The following ZNF592 variants were observed in gnomAD, a reference collection of about 807,000 sequenced individuals.
ZNF592 encodes zinc finger protein 592, also known as spinocerebellar ataxia, autosomal recessive 5.
ZNF592 carries 11 observed loss-of-function variants against 80.3 expected under a neutral mutation model. The ratio of observed to expected loss-of-function variants is 0.14; its 90% confidence interval spans 0.09 to 0.23. The LOEUF is 0.23. ZNF592 is among the 10% of genes least tolerant of loss of function. The probability of loss-of-function intolerance (pLI) is 1.00; values close to 1 mark genes in which losing one functional copy is unlikely to be tolerated. For synonymous variants in ZNF592, 646 were observed against 640.3 expected, an observed-to-expected ratio of 1.01 and a Z score of -0.13; for missense variants, 1,420 against 1,633.9, an observed-to-expected ratio of 0.87 and a Z score of 2.26.
chr15:84,804,178 T>G lies in ZNF592; in HGVS notation c.*1785T>G, dbSNP rs1963182281. 6.6e-6 allele frequency: 1 copy of G among 152,254 alleles called. No individual in the cohort carries two copies. Among genetic ancestry groups the G allele is most frequent in the Non-Finnish European group, 1.5e-5 (1 of 68,066 alleles). The allele number at this position is 152,254 out of a possible 1,614,324, so 9.4% of individuals were successfully genotyped here. On this transcript the variant is annotated 3_prime_UTR_variant, in exon 11 of 11. Transcript: ENST00000560079. ...GCTGCCACTTCCCTGCCTCCCCAGC[T>G]GGCAGTGGGGCAACCCAGGCCTGTT...
intron 4 of ZNF592, among the ~76,000 whole-genome samples, chr15:84,788,806 A>G (rs1446251880): frequency 6.6e-6 from 1 of 152,206 alleles, no homozygotes; most frequent in Non-Finnish European, 1.5e-5. Context: ...GAGTTTGACT[A>G]TTCTAGGTAT....
chr15:84,784,518 G>T lies in ZNF592; in HGVS notation c.1843G>T (p.Val615Leu), dbSNP rs769839682. ...TGGCCGGCGGAGCGTCCACATTGAG[G>T]TACTGTGCACACTGTGCTCCAAGAC... ...HYGRRSVHIE[V>L]LCTLCSKTLL... Residue 615 changes from valine (V) to leucine (L), a missense_variant, in exon 4 of 11, where the codon GTA (valine) becomes TTA (leucine). Coordinates refer to ENST00000560079, the MANE Select transcript of ZNF592 (RefSeq NM_014630.3). This position sits in a 1 kb window ranked among gnomAD's most constrained non-coding sequence, Gnocchi z 5.8. 1.2e-6 allele frequency: 2 copies of T among 1,614,168 alleles called. No homozygotes were observed. Among genetic ancestry groups the T allele is most frequent in the East Asian group, 2.2e-5 (1 of 44,882 alleles).
chr15:84,784,924 C>G lies in ZNF592; in HGVS notation c.2220+29C>G, dbSNP rs183120559. 6.2e-7 allele frequency: 1 copy of G among 1,613,492 alleles called. No individual in the cohort carries two copies. Among genetic ancestry groups the G allele is most frequent in the Non-Finnish European group, 8.5e-7 (1 of 1,179,744 alleles). ...AGCAGACCCTCACTGTTACGGGTAT[C>G]GGGCCCCTGGCTCACACAGGTTCCA... On this transcript the variant is annotated intron_variant, in intron 4 of 10. Transcript: ENST00000560079. The surrounding 1 kb of genome is among the most constrained non-coding windows in gnomAD (Gnocchi z 5.8).
chr15:84,749,883 G>C (rs1402192765), intron 1 of ZNF592, among the ~76,000 whole-genome samples: 1 of 152,228 alleles, frequency 6.6e-6, no homozygotes, highest in East Asian at 1.9e-4. Flanking sequence ...TTGTGGCTTT[G>C]ATTCATTAAA....
Position 84,798,298 on chromosome 15 carries a change from A to G in ZNF592, c.2577-17A>G. On this transcript the variant is annotated splice_polypyrimidine_tract_variant and intron_variant, in intron 6 of 10. Coordinates refer to ENST00000560079, the MANE Select transcript of ZNF592 (RefSeq NM_014630.3). This position sits in a 1 kb window ranked among gnomAD's most constrained non-coding sequence, Gnocchi z 4.5. ...TGGTGCCTTGGCCACCTCACCCCCTAGGGCTTGTCTCATCAGGCTCATTTA... is the reference window on the plus strand; with the variant it reads ...TGGTGCCTTGGCCACCTCACCCCCTGGGGCTTGTCTCATCAGGCTCATTTA... 6.2e-7 allele frequency: 1 copy of G among 1,614,054 alleles called. No homozygotes were observed.
intron 1 of ZNF592, among the ~76,000 whole-genome samples, chr15:84,749,007 A>T (rs1333956154): frequency 2.6e-5 from 4 of 151,984 alleles, no homozygotes; most frequent in African/African-American, 7.2e-5. Context: ...GGCGGCCCCC[A>T]GCCCGGGCAC....
Position 84,801,906 on chromosome 15 carries a change from C to T in ZNF592, c.3317C>T (p.Pro1106Leu). The T allele has an allele frequency of 6.2e-7, 1 of 1,613,916 alleles. No homozygotes were observed. Among genetic ancestry groups the T allele is most frequent in the East Asian group, 2.2e-5 (1 of 44,868 alleles). Residue 1106 changes from proline (P) to leucine (L), a missense_variant, in exon 11 of 11, where the codon CCA becomes CTA. Coordinates refer to ENST00000560079, the MANE Select transcript of ZNF592 (RefSeq NM_014630.3). Reference sequence around the variant, plus strand: ...CCAGTCAGTGGAGTGGGGGACGCTCCAGGCACCAGCAATGGCGCAACTGTC... The same window carrying T: ...CCAGTCAGTGGAGTGGGGGACGCTCTAGGCACCAGCAATGGCGCAACTGTC... Reference protein sequence around the residue: ...KRPVSGVGDAPGTSNGATVSS... With the variant: ...KRPVSGVGDALGTSNGATVSS...
rs547215855 is a variant in ZNF592 at position 84,755,194 on chromosome 15, A to G, written c.-259+6530A>G. 4.7e-5 allele frequency among the ~76,000 whole-genome samples: 7 copies of G among 149,872 alleles called. No individual in the cohort carries two copies. The South Asian group carries it at 1.5e-3, about 32-fold the overall frequency. On this transcript the variant is annotated intron_variant, in intron 1 of 10. Coordinates refer to ENST00000560079, the MANE Select transcript of ZNF592 (RefSeq NM_014630.3). ...TTGGCCAAGCTGGTCTCAAACTGTTAACTTCAAGTGATCCTCCTGCCTCTG... is the reference window on the plus strand; with the variant it reads ...TTGGCCAAGCTGGTCTCAAACTGTTGACTTCAAGTGATCCTCCTGCCTCTG...
At chr15:84,757,344 T>A (rs1899204823) in intron 1 of ZNF592, among the ~76,000 whole-genome samples, 1 of 149,496 alleles carries the variant, frequency 6.7e-6, no homozygotes, top group Non-Finnish European at 1.5e-5. Context: ...CTTTCCTTTT[T>A]TTTTTTTTTT....
chr15:84,788,412 C>G (rs893807445), intron 4 of ZNF592, among the ~76,000 whole-genome samples: 1 of 151,888 alleles, frequency 6.6e-6, no homozygotes, highest in Non-Finnish European at 1.5e-5. Flanking sequence ...TTTTTGCTTC[C>G]GTGAGGGCTA....
intron 5 of ZNF592, among the ~76,000 whole-genome samples, chr15:84,794,989 A>G (rs1004786964): frequency 6.6e-6 from 1 of 151,980 alleles, no homozygotes; most frequent in Middle Eastern, 3.4e-3. Context: ...ATTGAACTCT[A>G]CTACAGAGTT....
At chr15:84,766,048 C>G (rs1362464781) in intron 2 of ZNF592, among the ~76,000 whole-genome samples, 2 of 149,262 alleles carry the variant, frequency 1.3e-5, no homozygotes, top group Non-Finnish European at 1.5e-5. Context: ...GGGTCTCACT[C>G]TGTCACCCAA....
At chr15:84,748,918 G>T (rs1310660682) in intron 1 of ZNF592, among the ~76,000 whole-genome samples, 4 of 150,670 alleles carry the variant, frequency 2.7e-5, no homozygotes, top group African/African-American at 9.7e-5. Context: ...CCGCCGCTGC[G>T]ACCGCCGCTC....
chr15:84,797,807 C>A, intron 5 of ZNF592, 62 bp from the exon 6 acceptor site: 1 of 1,588,274 alleles, frequency 6.3e-7, no homozygotes, highest in Non-Finnish European at 8.6e-7. Context: ...CTTGCAGCAC[C>A]ACCTCTGGGT....
chr15:84,751,540 G>A (rs1287303989), intron 1 of ZNF592, among the ~76,000 whole-genome samples: 1 of 152,002 alleles, frequency 6.6e-6, no homozygotes, highest in Non-Finnish European at 1.5e-5. Context: ...CATGTAAACA[G>A]TTGAGCACTG....
Position 84,782,927 on chromosome 15 carries a change from C to T in ZNF592, c.252C>T (p.Asp84=). Reference sequence around the variant, plus strand: ...AGGAGTCATTTGAAGCGGAGAAAGACCACATTACTCCCAGTCTCCTACACA... The same window carrying T: ...AGGAGTCATTTGAAGCGGAGAAAGATCACATTACTCCCAGTCTCCTACACA... The part of the protein sequence containing the change: ...SRQESFEAEK[D]HITPSLLHNG... Residue 84 remains aspartate, a synonymous_variant, in exon 4 of 11, where the codon GAC becomes GAT. Coordinates refer to ENST00000560079, the MANE Select transcript of ZNF592 (RefSeq NM_014630.3). The T allele has an allele frequency of 1.9e-6, 3 of 1,614,192 alleles. No homozygotes were observed. The highest frequency in any genetic ancestry group is 2.5e-6 in the Non-Finnish European group (3 of 1,180,040).
rs1962485507 is a variant in ZNF592 at position 84,783,480 on chromosome 15, C to G, written c.805C>G (p.Pro269Ala). The G allele has an allele frequency of 6.2e-7, 1 of 1,614,166 alleles. No homozygotes were observed. Among genetic ancestry groups the G allele is most frequent in the Admixed American group, 1.7e-5 (1 of 60,018 alleles). ...ARELGTCSSV[P>A]PRQRLKPAHS... ...GGAGCTTGGTACCTGCTCATCAGTC[C>G]CCCCTAGGCAGCGTCTAAAGCCAGC... is the stretch of plus-strand genomic sequence containing the variant. Residue 269 changes from proline to alanine, a missense_variant, in exon 4 of 11, where the codon CCC becomes GCC. Transcript: ENST00000560079. This position sits in a 1 kb window ranked among gnomAD's most constrained non-coding sequence, Gnocchi z 5.0.
intron 4 of ZNF592, among the ~76,000 whole-genome samples, chr15:84,789,728 C>T (rs1343489683): frequency 6.6e-6 from 1 of 152,118 alleles, no homozygotes; most frequent in Non-Finnish European, 1.5e-5. Flanking sequence ...CTTTTTAATG[C>T]TCATGTTATC....
At chr15:84,790,942 C>A (rs1190915295) in intron 5 of ZNF592, 59 bp downstream of exon 5, 1 of 1,605,122 alleles carries the variant, frequency 6.2e-7, no homozygotes, top group Non-Finnish European at 8.5e-7. Flanking sequence ...TTTTCCTAAG[C>A]CAGAACTCAT....
Sources: allele counts gnomAD v4.1 joint callset (sites outside exome capture counted in the v4.1 genomes callset), GRCh38; gene constraint gnomAD v4.1.1; non-coding constraint Gnocchi (gnomAD v3.1); transcripts MANE v1.5; gene names NCBI Gene and HGNC (gene_info 2026-07-23, HGNC 2026-07-21).